DYRK1A: variants seen among roughly 807,000 people sequenced by gnomAD.
DYRK1A encodes the protein dual specificity tyrosine phosphorylation regulated kinase 1A, also known as dual specificity tyrosine-phosphorylation-regulated kinase 1A.
In DYRK1A, 9 loss-of-function variants were observed where a neutral mutation model predicts 79.7. The observed-to-expected ratio is 0.11, with a 90% confidence interval of 0.07 to 0.20. The LOEUF (loss-of-function observed/expected upper bound fraction) is 0.20. DYRK1A is among the 10% of genes least tolerant of loss of function. The pLI, the probability that DYRK1A is intolerant of heterozygous loss-of-function variation, is 1.00. For missense variants in DYRK1A, 622 were observed against 956.0 expected, an observed-to-expected ratio of 0.65 and a Z score of 4.61; for synonymous variants, 349 against 329.7, an observed-to-expected ratio of 1.06 and a Z score of -0.63.
intron 5 of DYRK1A, among the ~76,000 whole-genome samples, chr21:37,484,324 G>A (rs2052770556): frequency 7.0e-6 from 1 of 142,898 alleles, no homozygotes; most frequent in South Asian, 2.4e-4. Flanking sequence ...GCACTCAATA[G>A]GTCCCTTTTT....
At chr21:37,404,805 G>T (rs1413684755) in intron 1 of DYRK1A, among the ~76,000 whole-genome samples, 2 of 152,212 alleles carry the variant, frequency 1.3e-5, no homozygotes, top group African/African-American at 2.4e-5. Context: ...AGCAGGATAT[G>T]TGAGGATTAC....
intron 2 of DYRK1A, among the ~76,000 whole-genome samples, chr21:37,427,305 T>C (rs1335311212): frequency 6.6e-6 from 1 of 152,194 alleles, no homozygotes; most frequent in Non-Finnish European, 1.5e-5. Flanking sequence ...TCTGTAGAGA[T>C]GTGGTCTTGC....
chr21:37,484,125 T>C (rs1481505347), intron 5 of DYRK1A, among the ~76,000 whole-genome samples: 2 of 152,134 alleles, frequency 1.3e-5, no homozygotes, highest in African/African-American at 4.8e-5. Flanking sequence ...TTGTGAACTG[T>C]GCATGCGAGG....
At chr21:37,374,592 G>A (rs1396764121) in intron 1 of DYRK1A, among the ~76,000 whole-genome samples, 1 of 151,662 alleles carries the variant, frequency 6.6e-6, no homozygotes, top group Non-Finnish European at 1.5e-5. Context: ...TCGCTCTGTC[G>A]CCCAGGCTGG....
chr21:37,411,561 G>T (rs1569300382), intron 1 of DYRK1A, among the ~76,000 whole-genome samples: 1 of 152,172 alleles, frequency 6.6e-6, no homozygotes, highest in Non-Finnish European at 1.5e-5. Flanking sequence ...GGAATTTGAA[G>T]TACAGGTGTA....
At chr21:37,428,551 TAAAC>T (rs754483801) in intron 2 of DYRK1A, among the ~76,000 whole-genome samples, 146 of 152,346 alleles carry the variant, frequency 9.6e-4, no homozygotes, top group African/African-American at 2.3e-3. Context: ...CATGTGTTCT[TAAAC>T]AAGCAAATAG....
At chr21:37,472,963 C>A in intron 3 of DYRK1A, 83 bp downstream of exon 3, 1 of 1,057,386 alleles carries the variant, frequency 9.5e-7, no homozygotes, top group Non-Finnish European at 1.3e-6. Context: ...AGGCAAAATG[C>A]TTTAATGGCT....
chr21:37,375,963 T>C (rs1240333421), intron 1 of DYRK1A, among the ~76,000 whole-genome samples: 1 of 151,974 alleles, frequency 6.6e-6, no homozygotes, highest in Non-Finnish European at 1.5e-5. Context: ...AGCCCCCCTC[T>C]TCCTATACCA....
In DYRK1A at chr21:37,413,914, A is replaced by G. The variant is rs180881090; in HGVS notation, c.-76-6385A>G. Among the ~76,000 whole-genome samples, 445 of 152,298 alleles carry G rather than the reference A, an allele frequency of 2.9e-3. 1 individual carries two copies. Among genetic ancestry groups the G allele is most frequent in the Middle Eastern group, 6.8e-3 (2 of 294 alleles). ...TTCCTGTTAGCAGAGGGGAAGAAGC[A>G]GGCTCTAAGATTTAAAATTCATGCT... On this transcript the variant is annotated intron_variant, in intron 1 of 11. Transcript: ENST00000647188.
intron 1 of DYRK1A, among the ~76,000 whole-genome samples, chr21:37,368,893 ATT>A (rs1328131300): frequency 6.6e-6 from 1 of 152,170 alleles, no homozygotes; most frequent in Non-Finnish European, 1.5e-5. Flanking sequence ...TTAGCGTGGA[ATT>A]ACCTTTGTGG....
At chr21:37,467,701 TTA>T (rs1209004017) in intron 2 of DYRK1A, among the ~76,000 whole-genome samples, 4 of 152,192 alleles carry the variant, frequency 2.6e-5, no homozygotes, top group Admixed American at 2.6e-4. Context: ...GGAAACTTTG[TTA>T]ATCTGGGAAT....
At chr21:37,404,986 A>T (rs2050122082) in intron 1 of DYRK1A, among the ~76,000 whole-genome samples, 1 of 152,212 alleles carries the variant, frequency 6.6e-6, no homozygotes, top group Non-Finnish European at 1.5e-5. Context: ...TCCAGAATAC[A>T]GTTTTGCTCT....
At chr21:37,467,219 G>C (rs1423451740) in intron 2 of DYRK1A, among the ~76,000 whole-genome samples, 4 of 151,872 alleles carry the variant, frequency 2.6e-5, no homozygotes, top group Admixed American at 2.6e-4. Context: ...TGACCAAATC[G>C]CATTCCAGAA....
At position 37,487,508 on chromosome 21, in the gene DYRK1A, A is replaced by G. The variant is rs183289747; in HGVS notation, c.637+894A>G. ...ACCGTCAAGGAAAAAACTGTTAAGT[A>G]TTCATATAAGATGCCATCAATCGAA... On this transcript the variant is annotated intron_variant, in intron 6 of 11. Transcript: ENST00000647188. The G allele has an allele frequency of 3.6e-4, 55 of 152,306 alleles. 1 individual carries two copies. Among genetic ancestry groups the G allele is most frequent in the African/African-American group, 1.3e-3 (54 of 41,574 alleles). The allele number at this position is 152,306 out of a possible 1,614,324, so 9.4% of individuals were successfully genotyped here.
chr21:37,463,555 C>A (rs1170607198), intron 2 of DYRK1A, among the ~76,000 whole-genome samples: 1 of 152,086 alleles, frequency 6.6e-6, no homozygotes. Flanking sequence ...CGTGCAGTCC[C>A]CTCCCTCCCT....
rs1469221964 is a variant in DYRK1A at position 37,490,340 on chromosome 21, C to T, written c.803C>T (p.Ala268Val). The T allele has an allele frequency of 1.2e-6, 2 of 1,613,512 alleles. No homozygotes were observed. The highest frequency in any genetic ancestry group is 2.7e-5 in the African/African-American group (2 of 74,838). Residue 268 changes from alanine (A) to valine (V), a missense_variant, in exon 7 of 12, where the codon GCG becomes GTG. This residue lies in a region of DYRK1A where 138 missense variants were observed against 346.4 expected (regional missense o/e 0.40). Coordinates refer to ENST00000647188, the MANE Select transcript of DYRK1A (RefSeq NM_001347721.2). ...QQMCTALLFL[A>V]TPELSIIHCD... ...ATGTGCACTGCACTGCTTTTCCTTG[C>T]GACTCCAGAACTTAGTATCATTCAC...
At chr21:37,496,753 A>G (rs1429929413) in intron 9 of DYRK1A, among the ~76,000 whole-genome samples, 1 of 152,052 alleles carries the variant, frequency 6.6e-6, no homozygotes, top group Non-Finnish European at 1.5e-5. Context: ...TGGTCCTTTG[A>G]TAGACTTCAG....
chr21:37,430,117 G>T (rs2050736128), intron 2 of DYRK1A, among the ~76,000 whole-genome samples: 2 of 152,066 alleles, frequency 1.3e-5, no homozygotes, highest in South Asian at 4.1e-4. Flanking sequence ...AGTTTCTCTT[G>T]ATTTCTCAAG....
At chr21:37,492,959 C>G in intron 7 of DYRK1A, 58 bp from the exon 8 acceptor site, 1 of 1,389,758 alleles carries the variant, frequency 7.2e-7, no homozygotes, top group Non-Finnish European at 9.9e-7. Context: ...TGTTTTTAAT[C>G]CAATGCTGAC....
Sources: allele counts gnomAD v4.1 joint callset (sites outside exome capture counted in the v4.1 genomes callset), GRCh38; gene constraint gnomAD v4.1.1; regional missense constraint gnomAD v4.1.1; transcripts MANE v1.5; gene names NCBI Gene and HGNC (gene_info 2026-07-23, HGNC 2026-07-21).